Variants in HDHD5 observed in about 807,000 individuals in gnomAD.
HDHD5 encodes haloacid dehalogenase-like hydrolase domain-containing 5.
A neutral mutation model predicts 35.5 loss-of-function variants in HDHD5; 34 were observed. The observed-to-expected ratio is 0.96, with a 90% CI of 0.73 to 1.28. HDHD5 has a LOEUF of 1.28. Ranked by LOEUF, HDHD5 falls within the 50% of genes most tolerant of loss-of-function variation. The pLI is 0.00. For missense variants in HDHD5, 589 were observed against 560.2 expected, an observed-to-expected ratio of 1.05 and a Z score of -0.52; for synonymous variants, 248 against 240.6, an observed-to-expected ratio of 1.03 and a Z score of -0.29.
At chr22:17,162,182 G>A (rs1210590902), upstream of HDHD5, among the ~76,000 whole-genome samples, 2 of 152,208 alleles carry the variant, frequency 1.3e-5, no homozygotes, top group Non-Finnish European at 2.9e-5. Context: ...AATCTTCTTG[G>A]AGGTGGAGCT....
chr22:17,138,813 C>A (rs1256728114), intron 6 of HDHD5, 75 bp from the exon 7 acceptor site: 10 of 1,543,860 alleles, frequency 6.5e-6, no homozygotes, highest in Admixed American at 1.7e-5. Context: ...CTGCCACTGT[C>A]TAAGCAGCAA....
chr22:17,146,165 C>A (rs941008064), intron 3 of HDHD5, among the ~76,000 whole-genome samples: 1 of 152,062 alleles, frequency 6.6e-6, no homozygotes, highest in African/African-American at 2.4e-5. Flanking sequence ...TCCTTCCTCT[C>A]CCTATCCCAT....
chr22:17,158,944 C>G (rs1177840946), intron 1 of HDHD5, 182 bp downstream of exon 1: 6 of 477,872 alleles, frequency 1.3e-5, no homozygotes, highest in Non-Finnish European at 1.3e-5. Flanking sequence ...GCCAGCGAGT[C>G]AGAGGAAGGC....
At chr22:17,144,280 G>T (rs1044638367) in intron 4 of HDHD5, among the ~76,000 whole-genome samples, 3 of 151,820 alleles carry the variant, frequency 2.0e-5, no homozygotes, top group African/African-American at 7.3e-5. Flanking sequence ...TTTGAGACAG[G>T]GTCTCACTCA....
upstream of HDHD5, among the ~76,000 whole-genome samples, chr22:17,161,984 G>A (rs527717211): frequency 2.1e-4 from 32 of 152,162 alleles, no homozygotes; most frequent in Non-Finnish European, 3.2e-4. Context: ...ACAGAAGTGA[G>A]TGTAGTTGAT....
In HDHD5 at chr22:17,148,360, C is replaced by T; in HGVS notation, c.443+88G>A. ...CGCCTGTGTACCCCAGCACCCAGCA[C>T]TCCTCACTACAGTCCCCACTCAGCT... On this transcript the variant is annotated intron_variant, in intron 3 of 7. Coordinates refer to ENST00000336737, the MANE Select transcript of HDHD5 (RefSeq NM_033070.3). 2.8e-6 allele frequency: 3 copies of T among 1,069,410 alleles called. No homozygotes were observed. The South Asian group carries it at 4.0e-5, about 14-fold the overall frequency. 66.2% of individuals were successfully genotyped at this position (1,069,410 alleles called of 1,614,324 possible). A position where few individuals can be genotyped will look rare whatever the true frequency, so the allele number is the denominator to read the frequency against.
At position 17,159,193 on chromosome 22, in the gene HDHD5, G is replaced by T. The variant is rs1450513786; in HGVS notation, c.59C>A (p.Ala20Glu). Residue 20 changes from alanine (A) to glutamate (E), a missense_variant, in exon 1 of 8, where the codon GCG becomes GAG. Transcript: ENST00000336737. Reference protein sequence around the residue: ...LGAARGLCWRAARAAAGLQGR... With the variant: ...LGAARGLCWREARAAAGLQGR... The stretch of plus-strand genomic sequence containing the variant: ...CTGGAGCCCCGCAGCCGCGCGCGCC[G>T]CCCGCCAGCAAAGCCCACGCGCCGC... The T allele has an allele frequency of 1.7e-6, 2 of 1,208,046 alleles. No individual in the cohort carries two copies. Among genetic ancestry groups the T allele is most frequent in the East Asian group, 3.4e-5 (1 of 29,676 alleles). The allele number at this position is 1,208,046 out of a possible 1,614,324, so 74.8% of individuals were successfully genotyped here.
At chr22:17,159,325 C>G (rs1483170130), upstream of HDHD5, 3 of 1,193,138 alleles carry the variant, frequency 2.5e-6, no homozygotes, top group African/African-American at 3.5e-5. Context: ...CACAGCCAAT[C>G]AGCGGTCGGC....
At position 17,137,708 on chromosome 22, in the gene HDHD5, T is replaced by G; in HGVS notation, c.*313A>C. Reference sequence around the variant, plus strand: ...AGTATTCCACACTGCCTCCCCCATTTCAGAAGTCCCTACTGAAATGAGAAG... The same window carrying G: ...AGTATTCCACACTGCCTCCCCCATTGCAGAAGTCCCTACTGAAATGAGAAG... On this transcript the variant is annotated 3_prime_UTR_variant, in exon 8 of 8. Transcript: ENST00000336737. 1 of 328,128 alleles carries G rather than the reference T, an allele frequency of 3.0e-6. No homozygotes were observed. The highest frequency in any genetic ancestry group is 5.7e-6 in the Non-Finnish European group (1 of 176,510). The allele number at this position is 328,128 out of a possible 1,614,324, so 20.3% of individuals were successfully genotyped here. A position where few individuals can be genotyped will look rare whatever the true frequency, so the allele number is the denominator to read the frequency against.
At chr22:17,148,239 C>G (rs958083260) in intron 3 of HDHD5, among the ~76,000 whole-genome samples, 3 of 152,186 alleles carry the variant, frequency 2.0e-5, no homozygotes, top group African/African-American at 7.2e-5. Context: ...CCAGAGGATT[C>G]TGATGCAGGG....
chr22:17,145,246 C>A, intron 3 of HDHD5, 129 bp from the exon 4 acceptor site: 2 of 1,480,360 alleles, frequency 1.4e-6, no homozygotes, highest in Non-Finnish European at 9.1e-7. Context: ...CCAAGCAGAG[C>A]CCAGCAAGGA....
Position 17,159,182 on chromosome 22 carries a change from C to CCGCGCG in HDHD5, c.64_69dup (p.Arg22_Ala23dup). ...GCGGGGCGGCCCTGGAGCCCCGCAG[C>CCGCGCG]CGCGCGCGCCGCCCGCCAGCAAAGC... On this transcript the variant is annotated inframe_insertion, in exon 1 of 8. Transcript: ENST00000336737. The CCGCGCG allele has an allele frequency of 8.2e-7, 1 of 1,213,908 alleles. No homozygotes were observed. Among genetic ancestry groups the CCGCGCG allele is most frequent in the East Asian group, 3.3e-5 (1 of 30,248 alleles). 75.2% of individuals were successfully genotyped at this position (1,213,908 alleles called of 1,614,324 possible).
chr22:17,162,233 A>G (rs932720915), upstream of HDHD5, among the ~76,000 whole-genome samples: 38 of 152,114 alleles, frequency 2.5e-4, no homozygotes, highest in African/African-American at 8.9e-4. Flanking sequence ...CTCATGAACC[A>G]CCCTGAGGCA....
chr22:17,144,856 G>A (rs2061642771), intron 4 of HDHD5, among the ~76,000 whole-genome samples, 168 bp downstream of exon 4: 1 of 151,942 alleles, frequency 6.6e-6, no homozygotes, highest in African/African-American at 2.4e-5. Context: ...CAGCCTCTGG[G>A]CCATTCTCAT....
At chr22:17,163,408 A>G (rs144347563), upstream of HDHD5, among the ~76,000 whole-genome samples, 147 of 152,302 alleles carry the variant, frequency 9.7e-4, no homozygotes, top group Admixed American at 2.0e-3. Context: ...TGCATATCTG[A>G]TCAGCTCCCC....
At chr22:17,163,971 A>G (rs2061877559), upstream of HDHD5, among the ~76,000 whole-genome samples, 1 of 152,190 alleles carries the variant, frequency 6.6e-6, no homozygotes, top group Non-Finnish European at 1.5e-5. Flanking sequence ...CTGTAATCCC[A>G]GCACTTTGGG....
chr22:17,148,341 T>C, intron 3 of HDHD5, 107 bp downstream of exon 3: 1 of 881,010 alleles, frequency 1.1e-6, no homozygotes. Flanking sequence ...ACATCGCCTG[T>C]GTACCCCAGC....
chr22:17,140,089 T>A (rs899530666), intron 6 of HDHD5, among the ~76,000 whole-genome samples: 1 of 152,124 alleles, frequency 6.6e-6, no homozygotes, highest in Non-Finnish European at 1.5e-5. Flanking sequence ...GAGCATACCA[T>A]ACCCCGTCTC....
At chr22:17,160,589 C>G (rs2123884732), upstream of HDHD5, among the ~76,000 whole-genome samples, 1 of 150,290 alleles carries the variant, frequency 6.7e-6, no homozygotes, top group South Asian at 2.1e-4. Context: ...GCAGAAGTTG[C>G]AGTGAGCCGA....
Sources: allele counts gnomAD v4.1 joint callset (sites outside exome capture counted in the v4.1 genomes callset), GRCh38; gene constraint gnomAD v4.1.1; transcripts MANE v1.5; gene names NCBI Gene and HGNC (gene_info 2026-07-23, HGNC 2026-07-21).